REEP3: variants seen among roughly 807,000 people sequenced by gnomAD.
REEP3 encodes receptor expression-enhancing protein 3.
REEP3 carries 20 observed loss-of-function variants against 41.3 expected under a neutral mutation model. That is an observed-to-expected ratio of 0.48 (90% CI 0.34 to 0.70). The LOEUF is 0.70. REEP3 is among the 30% of genes least tolerant of loss of function. The pLI, the probability that REEP3 is intolerant of heterozygous loss-of-function variation, is 0.01. For synonymous variants in REEP3, 104 were observed against 101.8 expected, an observed-to-expected ratio of 1.02 and a Z score of -0.13; for missense variants, 271 against 308.8, an observed-to-expected ratio of 0.88 and a Z score of 0.92.
chr10:63,619,582 A>G, intron 6 of REEP3, 73 bp from the exon 7 acceptor site: 1 of 1,366,140 alleles, frequency 7.3e-7, no homozygotes, highest in Non-Finnish European at 1.0e-6. Flanking sequence ...AGAACTGTAC[A>G]CAGATGGGTC....
intron 1 of REEP3, among the ~76,000 whole-genome samples, chr10:63,566,072 G>A (rs2133375442): frequency 1.3e-5 from 2 of 152,170 alleles, no homozygotes; most frequent in South Asian, 4.1e-4. Context: ...TTTTAGTAGA[G>A]ATGGGGTTTC....
At chr10:63,612,446 G>C (rs968406324) in intron 6 of REEP3, among the ~76,000 whole-genome samples, 3 of 151,936 alleles carry the variant, frequency 2.0e-5, no homozygotes, top group Non-Finnish European at 2.9e-5. Context: ...TGCTGTGTGG[G>C]ATTACAGGCA....
At chr10:63,565,229 T>C (rs1955786319) in intron 1 of REEP3, among the ~76,000 whole-genome samples, 1 of 152,206 alleles carries the variant, frequency 6.6e-6, no homozygotes, top group Non-Finnish European at 1.5e-5. Context: ...CACTACACTC[T>C]GGCCTTGGTG....
chr10:63,529,345 A>C (rs2133338565), intron 1 of REEP3, among the ~76,000 whole-genome samples: 1 of 152,360 alleles, frequency 6.6e-6, no homozygotes, highest in South Asian at 2.1e-4. Context: ...TTGGTAACCT[A>C]GCTAAAATTG....
intron 6 of REEP3, among the ~76,000 whole-genome samples, chr10:63,614,534 A>G (rs907630722): frequency 1.3e-5 from 2 of 152,112 alleles, no homozygotes; most frequent in African/African-American, 2.4e-5. Flanking sequence ...ATCTCCCTCT[A>G]TGTTCTCTCC....
chr10:63,619,642 A>G lies in REEP3; in HGVS notation c.566-13A>G, dbSNP rs1361849931. The G allele has an allele frequency of 1.1e-5, 18 of 1,591,262 alleles. No homozygotes were observed. In the Admixed American group the frequency reaches 3.2e-4, roughly 28 times the overall value. ...CTTTTACCAAAACATGCTGTTTTTG[A>G]CAACTTGTTTAGGTTATGGAATTCC... On this transcript the variant is annotated splice_polypyrimidine_tract_variant and intron_variant, in intron 6 of 7. Transcript: ENST00000373758.
At chr10:63,563,879 T>C (rs1254706518) in intron 1 of REEP3, among the ~76,000 whole-genome samples, 1 of 152,020 alleles carries the variant, frequency 6.6e-6, no homozygotes, top group Non-Finnish European at 1.5e-5. Context: ...CTCACTCTAA[T>C]CATGATTAGA....
intron 1 of REEP3, among the ~76,000 whole-genome samples, chr10:63,535,389 G>A (rs1425526789): frequency 1.3e-5 from 2 of 152,108 alleles, no homozygotes; most frequent in African/African-American, 2.4e-5. Flanking sequence ...ATGTTAATGG[G>A]TCAATATTAA....
intron 5 of REEP3, among the ~76,000 whole-genome samples, chr10:63,600,560 T>A (rs1287751806): frequency 1.3e-5 from 2 of 152,246 alleles, no homozygotes; most frequent in Non-Finnish European, 2.9e-5. Context: ...AGAAGTTCAT[T>A]TTGTTTTTTA....
rs1317520158 is a variant in REEP3 at position 63,557,373 on chromosome 10, TA to T, written c.33-8964del. On this transcript the variant is annotated intron_variant, in intron 1 of 7. Transcript: ENST00000373758. ...AATTAGAAAATAATGAGTTTTTGAC[TA>T]TTTCCCTTTGTCTTTAATAAATGTT... is the stretch of plus-strand genomic sequence containing the variant. Among the ~76,000 whole-genome samples the T allele has an allele frequency of 3.3e-5, 5 of 152,240 alleles. No homozygotes were observed. In the South Asian group the frequency reaches 1.0e-3, roughly 31 times the overall value.
At chr10:63,582,384 A>G (rs1234014191) in intron 2 of REEP3, among the ~76,000 whole-genome samples, 1 of 152,190 alleles carries the variant, frequency 6.6e-6, no homozygotes, top group African/African-American at 2.4e-5. Flanking sequence ...ACTGTTTGTA[A>G]TCACCACATG....
intron 3 of REEP3, among the ~76,000 whole-genome samples, chr10:63,596,600 T>C (rs1387214293): frequency 6.6e-6 from 1 of 152,170 alleles, no homozygotes; most frequent in Non-Finnish European, 1.5e-5. Flanking sequence ...ATTTATGTGG[T>C]TCTCACAGAC....
chr10:63,547,060 T>A (rs1293304992), intron 1 of REEP3, among the ~76,000 whole-genome samples: 2 of 152,166 alleles, frequency 1.3e-5, no homozygotes, highest in East Asian at 3.9e-4. Flanking sequence ...TAGCTGGGAT[T>A]ACAGGCGCCC....
chr10:63,586,738 C>T (rs1407916809), intron 2 of REEP3, among the ~76,000 whole-genome samples: 1 of 151,964 alleles, frequency 6.6e-6, no homozygotes, highest in Non-Finnish European at 1.5e-5. Flanking sequence ...TGCTGTGTTG[C>T]CCAGGCTGGT....
At chr10:63,587,639 A>G (rs757362173) in intron 2 of REEP3, among the ~76,000 whole-genome samples, 3 of 152,226 alleles carry the variant, frequency 2.0e-5, no homozygotes, top group Non-Finnish European at 4.4e-5. Context: ...TAATATTTGA[A>G]AACTCAGATT....
chr10:63,551,237 G>A (rs1457092956), intron 1 of REEP3, among the ~76,000 whole-genome samples: 1 of 152,136 alleles, frequency 6.6e-6, no homozygotes, highest in African/African-American at 2.4e-5. Flanking sequence ...TAGGGACACA[G>A]GACATTGAGA....
At chr10:63,613,042 A>C (rs1956287895) in intron 6 of REEP3, among the ~76,000 whole-genome samples, 1 of 151,604 alleles carries the variant, frequency 6.6e-6, no homozygotes, top group Admixed American at 6.6e-5. Context: ...GATGGAGTCT[A>C]CCTCTGTCAC....
At chr10:63,555,525 C>T (rs1955670125) in intron 1 of REEP3, among the ~76,000 whole-genome samples, 2 of 152,316 alleles carry the variant, frequency 1.3e-5, no homozygotes, top group Admixed American at 1.3e-4. Flanking sequence ...ACACAGGTAC[C>T]TTGGTTATCA....
intron 1 of REEP3, among the ~76,000 whole-genome samples, chr10:63,529,906 G>A (rs1955404505): frequency 6.6e-6 from 1 of 151,776 alleles, no homozygotes; most frequent in South Asian, 2.1e-4. Context: ...AGCCTCCCGA[G>A]TAGCTGGGAT....
Sources: allele counts gnomAD v4.1 joint callset (sites outside exome capture counted in the v4.1 genomes callset), GRCh38; gene constraint gnomAD v4.1.1; transcripts MANE v1.5; gene names NCBI Gene and HGNC (gene_info 2026-07-23, HGNC 2026-07-21).